The following CRPPA variants were observed in gnomAD, a reference collection of about 807,000 sequenced individuals.
CRPPA encodes the protein D-ribitol-5-phosphate cytidylyltransferase.
Under a neutral mutation model 52.0 loss-of-function variants are expected in CRPPA, and 43 were observed. The ratio of observed to expected loss-of-function variants is 0.83; its 90% confidence interval spans 0.65 to 1.07. The LOEUF (loss-of-function observed/expected upper bound fraction) is 1.07. Ranked by LOEUF, CRPPA falls within the 50% of genes least tolerant of loss-of-function variation. The pLI is 0.00. For synonymous variants in CRPPA, 250 were observed against 203.5 expected, an observed-to-expected ratio of 1.23 and a Z score of -1.94; for missense variants, 629 against 551.7, an observed-to-expected ratio of 1.14 and a Z score of -1.40.
At chr7:16,400,550 C>T (rs189707760) in intron 2 of CRPPA, among the ~76,000 whole-genome samples, 31 of 152,244 alleles carry the variant, frequency 2.0e-4, no homozygotes, top group Middle Eastern at 3.4e-3. Flanking sequence ...CACGTCGACA[C>T]GATCGACACT....
At chr7:16,127,877 A>G (rs186946690) in intron 9 of CRPPA, among the ~76,000 whole-genome samples, 29 of 152,294 alleles carry the variant, frequency 1.9e-4, no homozygotes, top group Admixed American at 1.5e-3. Context: ...CTTACAATGA[A>G]TTTTTGTTGA....
At chr7:16,253,545 T>G (rs1349097317) in intron 8 of CRPPA, among the ~76,000 whole-genome samples, 1 of 152,200 alleles carries the variant, frequency 6.6e-6, no homozygotes, top group African/African-American at 2.4e-5. Context: ...AATTTTGGAA[T>G]AAGTGTGATG....
At chr7:16,197,926 T>G (rs1206067308) in intron 9 of CRPPA, among the ~76,000 whole-genome samples, 2 of 148,338 alleles carry the variant, frequency 1.3e-5, no homozygotes, top group Non-Finnish European at 3.0e-5. Context: ...GTGCAGGATG[T>G]GCTTTGTTAA....
intron 9 of CRPPA, among the ~76,000 whole-genome samples, chr7:16,194,922 C>G (rs1182162760): frequency 6.6e-6 from 1 of 151,368 alleles, no homozygotes; most frequent in East Asian, 1.9e-4. Context: ...CTTGGAATCA[C>G]TAGCATAAGA....
intron 2 of CRPPA, among the ~76,000 whole-genome samples, chr7:16,398,469 T>C (rs886066167): frequency 1.3e-5 from 2 of 151,744 alleles, no homozygotes; most frequent in Non-Finnish European, 2.9e-5. Flanking sequence ...CGTGTGCGAT[T>C]GACATGATTG....
At chr7:16,194,844 T>C (rs1196360780) in intron 9 of CRPPA, among the ~76,000 whole-genome samples, 1 of 87,824 alleles carries the variant, frequency 1.1e-5, no homozygotes, top group African/African-American at 3.4e-5. Context: ...TTTTTGGTCT[T>C]TTGGTTTTTT....
At chr7:16,358,509 C>T (rs1227658916) in intron 3 of CRPPA, among the ~76,000 whole-genome samples, 1 of 152,130 alleles carries the variant, frequency 6.6e-6, no homozygotes, top group East Asian at 1.9e-4. Context: ...TCTATCCTGC[C>T]ACCCCCATTC....
chr7:16,266,316 G>T (rs1783951144), intron 6 of CRPPA: 1 of 152,106 alleles, frequency 6.6e-6, no homozygotes, highest in Admixed American at 6.5e-5. Flanking sequence ...ATTGTGGTAA[G>T]TCTTCCTTTG....
intron 3 of CRPPA, among the ~76,000 whole-genome samples, chr7:16,350,451 A>C (rs1786119081): frequency 6.6e-6 from 1 of 152,156 alleles, no homozygotes; most frequent in Non-Finnish European, 1.5e-5. Flanking sequence ...AAGGACTACA[A>C]ATATTAAAAA....
chr7:16,379,982 T>C (rs1787031034), intron 2 of CRPPA, among the ~76,000 whole-genome samples: 1 of 151,978 alleles, frequency 6.6e-6, no homozygotes, highest in African/African-American at 2.4e-5. Flanking sequence ...ACCCTTTATT[T>C]CCTTCTCCTG....
At chr7:16,180,438 T>C (rs1781388476) in intron 9 of CRPPA, among the ~76,000 whole-genome samples, 2 of 152,272 alleles carry the variant, frequency 1.3e-5, no homozygotes, top group South Asian at 2.1e-4. Context: ...AAATATATTA[T>C]ATGAGTGTAT....
chr7:16,275,570 T>G (rs918571702), intron 6 of CRPPA, among the ~76,000 whole-genome samples: 17 of 152,056 alleles, frequency 1.1e-4, no homozygotes, highest in Admixed American at 6.5e-5. Context: ...TGGTCATGCC[T>G]GTATTTCCGC....
chr7:16,106,390 AT>A (rs759483483), intron 9 of CRPPA, among the ~76,000 whole-genome samples: 2 of 152,174 alleles, frequency 1.3e-5, no homozygotes, highest in Non-Finnish European at 2.9e-5. Flanking sequence ...AAAGAGTTGA[AT>A]TGGCCATCCA....
intron 1 of CRPPA, among the ~76,000 whole-genome samples, chr7:16,419,915 A>G (rs931109819): frequency 6.6e-6 from 1 of 151,592 alleles, no homozygotes; most frequent in Non-Finnish European, 1.5e-5. Flanking sequence ...TAATAATAAA[A>G]CTCCAATCTC....
At chr7:16,286,097 A>AAATATATATATATATATATATAT in intron 5 of CRPPA, among the ~76,000 whole-genome samples, 5 of 39,116 alleles carry the variant, frequency 1.3e-4, no homozygotes, top group African/African-American at 5.5e-4. Context: ...TAAAAAAAAA[A>AAATATATATATATATATATATAT]ATATATATAT....
chr7:16,283,952 CA>C (rs1194048230), intron 5 of CRPPA, among the ~76,000 whole-genome samples: 1 of 151,944 alleles, frequency 6.6e-6, no homozygotes, highest in African/African-American at 2.4e-5. Context: ...AAATTTTAAA[CA>C]ATTTCAATTC....
intron 9 of CRPPA, among the ~76,000 whole-genome samples, chr7:16,175,475 T>C (rs922319069): frequency 2.0e-5 from 3 of 152,112 alleles, no homozygotes; most frequent in African/African-American, 7.2e-5. Flanking sequence ...ACTCTTCATC[T>C]CTAATGAAAA....
At chr7:16,223,139 A>G (rs1012850199) in intron 8 of CRPPA, among the ~76,000 whole-genome samples, 5 of 152,160 alleles carry the variant, frequency 3.3e-5, no homozygotes, top group African/African-American at 1.2e-4. Flanking sequence ...AAAAAATAGA[A>G]AAGTTAGCCA....
intron 2 of CRPPA, among the ~76,000 whole-genome samples, chr7:16,376,805 T>A (rs1334959162): frequency 6.6e-6 from 1 of 152,218 alleles, no homozygotes; most frequent in Non-Finnish European, 1.5e-5. Flanking sequence ...ACCCATTGAC[T>A]TCAATTGCTA....
Sources: allele counts gnomAD v4.1 joint callset (sites outside exome capture counted in the v4.1 genomes callset), GRCh38; gene constraint gnomAD v4.1.1; transcripts MANE v1.5; gene names NCBI Gene and HGNC (gene_info 2026-07-23, HGNC 2026-07-21).